ANKS1A: variants seen among roughly 807,000 people sequenced by gnomAD.
ANKS1A encodes the protein ankyrin repeat and SAM domain-containing protein 1A.
In ANKS1A, 55 loss-of-function variants were observed where a neutral mutation model predicts 120.3. The ratio of observed to expected loss-of-function variants is 0.46; its 90% CI spans 0.37 to 0.57. The LOEUF (loss-of-function observed/expected upper bound fraction) is 0.57. Among genes scored for constraint, ANKS1A ranks in the 20% least tolerant of loss-of-function variants. The pLI, the probability that ANKS1A is intolerant of heterozygous loss-of-function variation, is 0.00. For missense variants in ANKS1A, 1,123 were observed against 1,480.3 expected, an observed-to-expected ratio of 0.76 and a Z score of 3.96; for synonymous variants, 590 against 604.7, an observed-to-expected ratio of 0.98 and a Z score of 0.36.
At chr6:34,995,139 C>A (rs904350268) in intron 10 of ANKS1A, among the ~76,000 whole-genome samples, 1 of 152,166 alleles carries the variant, frequency 6.6e-6, no homozygotes, top group Non-Finnish European at 1.5e-5. Context: ...GGTATTAGGG[C>A]CTTCATGGGG....
intron 1 of ANKS1A, among the ~76,000 whole-genome samples, chr6:34,956,897 CTGG>C (rs1483267061): frequency 6.6e-6 from 1 of 152,158 alleles, no homozygotes; most frequent in African/African-American, 2.4e-5. Context: ...GACAGCAGAC[CTGG>C]TGGTCTAACA....
At chr6:34,999,520 C>G (rs527807636) in intron 10 of ANKS1A, among the ~76,000 whole-genome samples, 13 of 152,070 alleles carry the variant, frequency 8.5e-5, no homozygotes. Flanking sequence ...ATAAGCCCAC[C>G]CTACTAGGAA....
chr6:34,944,475 T>C (rs1426187435), intron 1 of ANKS1A, among the ~76,000 whole-genome samples: 1 of 152,224 alleles, frequency 6.6e-6, no homozygotes. Flanking sequence ...TGAGTGTCTT[T>C]TCATATGCTT....
chr6:34,892,875 G>A (rs1215275464), intron 1 of ANKS1A, among the ~76,000 whole-genome samples: 3 of 152,176 alleles, frequency 2.0e-5, no homozygotes, highest in Non-Finnish European at 2.9e-5. Context: ...CAGAAAGTCA[G>A]CAAAGAAGAC....
downstream of ANKS1A, among the ~76,000 whole-genome samples, chr6:35,093,636 G>A (rs1259972036): frequency 1.3e-5 from 2 of 152,166 alleles, no homozygotes; most frequent in East Asian, 3.8e-4. Flanking sequence ...TAACGCCTAT[G>A]TCTCGGAAGA....
intron 10 of ANKS1A, among the ~76,000 whole-genome samples, chr6:35,007,819 CTG>C (rs1773542625): frequency 6.6e-6 from 1 of 152,196 alleles, no homozygotes; most frequent in Non-Finnish European, 1.5e-5. Flanking sequence ...GCATTTGAGT[CTG>C]TGCACAGTTT....
rs777029466 is a variant in ANKS1A, at chr6:34,983,161, C to T, written c.857C>T (p.Thr286Ile). The T allele has an allele frequency of 1.1e-5, 18 of 1,614,096 alleles. No individual in the cohort carries two copies. The highest frequency in any genetic ancestry group is 1.5e-5 in the Non-Finnish European group (18 of 1,180,050). Residue 286 changes from threonine (T) to isoleucine (I), a missense_variant, in exon 6 of 24, where the codon ACT becomes ATT. Transcript: ENST00000360359. ...AACCATGGACTGACTGCCCTAGACA[C>T]TGTTCGGGAACTGCCTTCTCAAAAG... ...KDNHGLTALD[T>I]VRELPSQKSQ...
At chr6:34,965,278 T>G (rs1315928681) in intron 1 of ANKS1A, among the ~76,000 whole-genome samples, 1 of 152,230 alleles carries the variant, frequency 6.6e-6, no homozygotes, top group Non-Finnish European at 1.5e-5. Flanking sequence ...GTAACTGGTA[T>G]ATGATATTCT....
At chr6:35,087,164 C>A in intron 23 of ANKS1A, 115 bp downstream of exon 23, 1 of 1,072,714 alleles carries the variant, frequency 9.3e-7, no homozygotes, top group Non-Finnish European at 1.4e-6. Context: ...CTGCTGATGC[C>A]AAGGCCCCAC....
At chr6:34,988,049 T>C (rs1015257853) in intron 8 of ANKS1A, among the ~76,000 whole-genome samples, 2 of 152,246 alleles carry the variant, frequency 1.3e-5, no homozygotes, top group Non-Finnish European at 2.9e-5. Flanking sequence ...ATCCTGTGTC[T>C]TCCTGAAATT....
chr6:35,019,404 A>G (rs1050008005), intron 11 of ANKS1A, among the ~76,000 whole-genome samples: 1 of 152,180 alleles, frequency 6.6e-6, no homozygotes, highest in Non-Finnish European at 1.5e-5. Context: ...AAGCCAATCC[A>G]TTTCCAGTGA....
At chr6:34,965,922 T>A (rs1770871984) in intron 1 of ANKS1A, among the ~76,000 whole-genome samples, 1 of 152,114 alleles carries the variant, frequency 6.6e-6, no homozygotes, top group African/African-American at 2.4e-5. Context: ...AATTTTTGTA[T>A]TTTTAGTAGA....
At chr6:35,061,827 T>C (rs1260003672) in intron 13 of ANKS1A, among the ~76,000 whole-genome samples, 2 of 152,134 alleles carry the variant, frequency 1.3e-5, no homozygotes, top group Admixed American at 6.5e-5. Context: ...GCTCAGGCAA[T>C]GCGTGGGGAC....
At chr6:35,083,366 G>GA in intron 19 of ANKS1A, 51 bp from the exon 20 acceptor site, 1 of 1,603,174 alleles carries the variant, frequency 6.2e-7, no homozygotes, top group Non-Finnish European at 8.5e-7. Context: ...AAGCCCAGGA[G>GA]GCTTAGCCCT....
At chr6:34,952,420 G>A (rs772472848) in intron 1 of ANKS1A, among the ~76,000 whole-genome samples, 7 of 152,266 alleles carry the variant, frequency 4.6e-5, no homozygotes, top group African/African-American at 1.2e-4. Context: ...CCCTAATGGG[G>A]GAGGCATCTG....
At position 35,090,137 on chromosome 6, in the gene ANKS1A, T is replaced by C. The variant is rs1215293488; in HGVS notation, c.*1528T>C. Reference sequence around the variant, plus strand: ...GGTTGGGGCCTGGGACTCAGCTCTCTCTGCGGTAGAGGCAGGCCCTCCTCC... The same window carrying C: ...GGTTGGGGCCTGGGACTCAGCTCTCCCTGCGGTAGAGGCAGGCCCTCCTCC... On this transcript the variant is annotated 3_prime_UTR_variant, in exon 24 of 24. Transcript: ENST00000360359. The C allele has an allele frequency of 3.9e-6, 5 of 1,289,328 alleles. No individual in the cohort carries two copies. Among genetic ancestry groups the C allele is most frequent in the Non-Finnish European group, 1.0e-6 (1 of 988,884 alleles). 79.9% of individuals were successfully genotyped at this position (1,289,328 alleles called of 1,614,324 possible). A position where few individuals can be genotyped will look rare whatever the true frequency, so the allele number is the denominator to read the frequency against.
intron 23 of ANKS1A, among the ~76,000 whole-genome samples, chr6:35,088,370 C>T (rs138013525): frequency 1.1e-4 from 17 of 152,290 alleles, no homozygotes; most frequent in Admixed American, 2.0e-4. Context: ...AAACCCAAGT[C>T]GATAAACTGG....
At position 35,057,824 on chromosome 6, in the gene ANKS1A, A is replaced by AG. The variant is rs550739946; in HGVS notation, c.2078-2317dup. ...CACAGTCATTCGTAAAGTGGCAAGT[A>AG]GGGGGGTCACTTACCTGTGGGCTAT... On this transcript the variant is annotated intron_variant, in intron 12 of 23. Transcript: ENST00000360359. The surrounding 1 kb of genome is among the most constrained non-coding windows in gnomAD (Gnocchi z 4.1). Among the ~76,000 whole-genome samples the AG allele has an allele frequency of 5.3e-5, 8 of 152,330 alleles. No homozygotes were observed. In the South Asian group the frequency reaches 1.2e-3, roughly 24 times the overall value.
chr6:34,970,150 C>A lies in ANKS1A; in HGVS notation c.419C>A (p.Thr140Asn), dbSNP rs755487104. 6.2e-7 allele frequency: 1 copy of A among 1,613,512 alleles called. No homozygotes were observed. The highest frequency in any genetic ancestry group is 1.3e-5 in the African/African-American group (1 of 74,904). Reference sequence around the variant, plus strand: ...CTCATCCATCAAGGGCCTTCACACACCAGAGTCAATGAACAGGTCGGAAGG... The same window carrying A: ...CTCATCCATCAAGGGCCTTCACACAACAGAGTCAATGAACAGGTCGGAAGG... ...RLLIHQGPSH[T>N]RVNEQNNDNE... The change falls in exon 3 of 24, where the codon ACC becomes AAC. Residue 140 changes from threonine to asparagine, a missense_variant. By Grantham distance (65) the Thr-to-Asn change is moderately conservative (BLOSUM62 0). Around this residue, in one of 3 missense-constraint regions of ANKS1A, gnomAD observed 146 missense variants for 267.8 expected, o/e 0.55. Coordinates refer to ENST00000360359, the MANE Select transcript of ANKS1A (RefSeq NM_015245.3).
Sources: allele counts gnomAD v4.1 joint callset (sites outside exome capture counted in the v4.1 genomes callset), GRCh38; gene constraint gnomAD v4.1.1; regional missense constraint gnomAD v4.1.1; non-coding constraint Gnocchi (gnomAD v3.1); transcripts MANE v1.5; gene names NCBI Gene and HGNC (gene_info 2026-07-23, HGNC 2026-07-21).